Variants in CCSER1 observed in about 807,000 individuals in gnomAD.
CCSER1 encodes serine-rich coiled-coil domain-containing protein 1.
A neutral mutation model predicts 82.0 loss-of-function variants in CCSER1; 41 were observed. The observed-to-expected ratio is 0.50, with a 90% CI of 0.39 to 0.65. CCSER1 has a LOEUF of 0.65. CCSER1 is among the 30% of genes least tolerant of loss of function. The pLI, the probability that CCSER1 is intolerant of heterozygous loss-of-function variation, is 0.00. For synonymous variants in CCSER1, 414 were observed against 383.9 expected (o/e 1.08, Z -0.92); for missense variants, 1,119 against 1,064.2 (o/e 1.05, Z -0.72).
At chr4:90,389,630 A>G (rs1281298770) in intron 3 of CCSER1, among the ~76,000 whole-genome samples, 1 of 152,180 alleles carries the variant, frequency 6.6e-6, no homozygotes, top group Non-Finnish European at 1.5e-5. Context: ...AAACCTCAAG[A>G]ACTGATCAGA....
Position 90,707,839 on chromosome 4 carries a change from C to T in CCSER1, c.1933-16075C>T, listed in dbSNP as rs528274243. Among the ~76,000 whole-genome samples the T allele has an allele frequency of 4.6e-5, 7 of 152,188 alleles. No homozygotes were observed. The South Asian group carries it at 6.2e-4, about 14-fold the overall frequency. On this transcript the variant is annotated intron_variant, in intron 6 of 10. Transcript: ENST00000509176. ...CCTCAGGCAGCACAGCTAGTTGTAA[C>T]GAGTAGGCCTCACTCTCAGAATTTA...
At chr4:91,583,497 TTC>T (rs1763833231) in intron 10 of CCSER1, among the ~76,000 whole-genome samples, 2 of 151,410 alleles carry the variant, frequency 1.3e-5, no homozygotes, top group African/African-American at 4.8e-5. Context: ...TTATGATATG[TTC>T]TGAGTTAAAA....
chr4:91,247,112 TA>T (rs1177538873), intron 10 of CCSER1, among the ~76,000 whole-genome samples: 1 of 151,810 alleles, frequency 6.6e-6, no homozygotes, highest in Non-Finnish European at 1.5e-5. Context: ...CTATCCTGGC[TA>T]ACACGGTGAA....
intron 6 of CCSER1, among the ~76,000 whole-genome samples, chr4:90,716,042 A>C (rs1225388349): frequency 6.6e-6 from 1 of 151,388 alleles, no homozygotes; most frequent in African/African-American, 2.4e-5. Context: ...ATGGTAAAAC[A>C]GCAAGTTTAA....
intron 4 of CCSER1, among the ~76,000 whole-genome samples, chr4:90,445,163 A>T (rs1466768964): frequency 6.6e-6 from 1 of 152,074 alleles, no homozygotes; most frequent in Non-Finnish European, 1.5e-5. Context: ...CAACTTCAGG[A>T]TATACATTAT....
intron 10 of CCSER1, among the ~76,000 whole-genome samples, chr4:91,297,365 T>TTGTGTGTGTGTGTGTG (rs764634343): frequency 7.8e-6 from 1 of 128,812 alleles, no homozygotes; most frequent in Non-Finnish European, 1.7e-5. Flanking sequence ...GAATGGATGC[T>TTGTGTGTGTGTGTGTG]TGTGTGTGTG....
intron 5 of CCSER1, among the ~76,000 whole-genome samples, chr4:90,544,579 C>A (rs1300048522): frequency 6.6e-6 from 1 of 152,040 alleles, no homozygotes; most frequent in Non-Finnish European, 1.5e-5. Flanking sequence ...TCTGTGGAGG[C>A]TCTGTTATGT....
At chr4:90,317,767 GGCTGT>G (rs1456869467) in intron 3 of CCSER1, among the ~76,000 whole-genome samples, 1 of 152,174 alleles carries the variant, frequency 6.6e-6, no homozygotes, top group Non-Finnish European at 1.5e-5. Context: ...CCTGTATTCA[GGCTGT>G]GGAAGCAGCT....
intron 8 of CCSER1, among the ~76,000 whole-genome samples, chr4:90,898,833 G>A (rs1446325257): frequency 6.6e-6 from 1 of 151,648 alleles, no homozygotes; most frequent in African/African-American, 2.4e-5. Flanking sequence ...GTACCATACT[G>A]TCTTGGTTAT....
intron 7 of CCSER1, among the ~76,000 whole-genome samples, chr4:90,766,417 C>T (rs1751227044): frequency 6.6e-6 from 1 of 152,036 alleles, no homozygotes; most frequent in South Asian, 2.1e-4. Context: ...GAATGCTCAC[C>T]CAGAAAGCGA....
chr4:90,930,338 A>G (rs1266788317), intron 9 of CCSER1, among the ~76,000 whole-genome samples: 1 of 152,074 alleles, frequency 6.6e-6, no homozygotes, highest in East Asian at 1.9e-4. Context: ...AGGGTGGCTC[A>G]CGCCTGTAAT....
intron 9 of CCSER1, among the ~76,000 whole-genome samples, chr4:91,032,013 G>T (rs531904084): frequency 6.6e-6 from 1 of 151,844 alleles, no homozygotes; most frequent in Admixed American, 6.6e-5. Context: ...AAGCTATTTT[G>T]TCACTTCAAC....
chr4:90,579,607 G>A (rs1781191683), intron 5 of CCSER1, among the ~76,000 whole-genome samples: 1 of 152,090 alleles, frequency 6.6e-6, no homozygotes, highest in African/African-American at 2.4e-5. Context: ...CTCATGGACT[G>A]TAGCTATTTT....
intron 10 of CCSER1, among the ~76,000 whole-genome samples, chr4:91,415,204 T>G (rs1436740783): frequency 6.6e-6 from 1 of 152,122 alleles, no homozygotes; most frequent in African/African-American, 2.4e-5. Flanking sequence ...GATTTGGCTG[T>G]CTGCTTGCCT....
intron 8 of CCSER1, among the ~76,000 whole-genome samples, chr4:90,861,447 A>G (rs1426949680): frequency 1.3e-5 from 2 of 151,840 alleles, no homozygotes; most frequent in African/African-American, 2.4e-5. Context: ...TATTTTGCTT[A>G]TTTAAATAAC....
chr4:90,494,064 A>T (rs968273417), intron 5 of CCSER1, among the ~76,000 whole-genome samples: 5 of 152,208 alleles, frequency 3.3e-5, no homozygotes. Flanking sequence ...AAAGGGATGG[A>T]GGAAGATCTG....
At chr4:91,408,826 T>C (rs977371633) in intron 10 of CCSER1, among the ~76,000 whole-genome samples, 14 of 152,228 alleles carry the variant, frequency 9.2e-5, no homozygotes, top group African/African-American at 3.4e-4. Flanking sequence ...TACAGTGCTT[T>C]ATATTTTTTA....
chr4:90,578,298 G>T (rs1247923978), intron 5 of CCSER1, among the ~76,000 whole-genome samples: 1 of 152,100 alleles, frequency 6.6e-6, no homozygotes, highest in African/African-American at 2.4e-5. Context: ...AAATCAAGAA[G>T]TCAGCAAGAC....
At chr4:90,698,355 T>G (rs113742905) in intron 6 of CCSER1, among the ~76,000 whole-genome samples, 1,783 of 152,192 alleles carry the variant, frequency 0.012, 29 homozygotes, top group African/African-American at 0.038. Flanking sequence ...AACTGACATC[T>G]AGGTGTGAAA....
Sources: allele counts gnomAD v4.1 joint callset (sites outside exome capture counted in the v4.1 genomes callset), GRCh38; gene constraint gnomAD v4.1.1; transcripts MANE v1.5; gene names NCBI Gene and HGNC (gene_info 2026-07-23, HGNC 2026-07-21).